The following RYR2 variants were observed in gnomAD, a reference collection of about 807,000 sequenced individuals.
The protein encoded by RYR2 is cardiac muscle ryanodine receptor-calcium release channel.
In RYR2, 227 loss-of-function variants were observed where a neutral mutation model predicts 601.1. The observed-to-expected ratio is 0.38, with a 90% confidence interval of 0.34 to 0.42. The LOEUF is 0.42. Among genes scored for constraint, RYR2 ranks in the 10% least tolerant of loss-of-function variants. The pLI, the probability that RYR2 is intolerant of heterozygous loss-of-function variation, is 1.00. For missense variants in RYR2, 4,646 were observed against 6,156.5 expected, an observed-to-expected ratio of 0.75 and a Z score of 8.21; for synonymous variants, 2,223 against 2,175.1, an observed-to-expected ratio of 1.02 and a Z score of -0.61.
At chr1:237,155,179 CTTT>C (rs11412062) in intron 1 of RYR2, among the ~76,000 whole-genome samples, 1 of 127,626 alleles carries the variant, frequency 7.8e-6, no homozygotes, top group Non-Finnish European at 1.6e-5. Flanking sequence ...TTTTTCTTTT[CTTT>C]TTTTTTTTTT....
intron 1 of RYR2, among the ~76,000 whole-genome samples, chr1:237,082,727 G>A (rs761623199): frequency 2.6e-5 from 4 of 151,678 alleles, no homozygotes; most frequent in Non-Finnish European, 5.9e-5. Flanking sequence ...TATGTAACAA[G>A]TGTTAAATTG....
At chr1:237,412,635 T>C (rs1262265580) in intron 10 of RYR2, among the ~76,000 whole-genome samples, 4 of 152,146 alleles carry the variant, frequency 2.6e-5, no homozygotes, top group Admixed American at 2.6e-4. Flanking sequence ...ATTGCAAAAA[T>C]AGTCTCCAGT....
At chr1:237,259,899 C>G (rs528746150) in intron 1 of RYR2, among the ~76,000 whole-genome samples, 12 of 152,192 alleles carry the variant, frequency 7.9e-5, no homozygotes, top group Non-Finnish European at 1.6e-4. Flanking sequence ...TCTGTAATAT[C>G]ACCACATTAG....
chr1:237,447,226 T>G (rs1657468334), intron 14 of RYR2, among the ~76,000 whole-genome samples: 1 of 152,214 alleles, frequency 6.6e-6, no homozygotes. Flanking sequence ...AAAACTATTT[T>G]GTGGGAAAGC....
At chr1:237,223,763 G>T (rs1684076141) in intron 1 of RYR2, among the ~76,000 whole-genome samples, 1 of 152,284 alleles carries the variant, frequency 6.6e-6, no homozygotes, top group African/African-American at 2.4e-5. Flanking sequence ...TTACATATCA[G>T]AAATTTGAAG....
intron 2 of RYR2, among the ~76,000 whole-genome samples, chr1:237,307,820 G>A (rs144554080): frequency 6.6e-6 from 1 of 152,272 alleles, no homozygotes; most frequent in African/African-American, 2.4e-5. Flanking sequence ...TGAGCCTTCG[G>A]TTTGCTGTAC....
chr1:237,372,936 C>T (rs1700751667), intron 6 of RYR2, among the ~76,000 whole-genome samples: 1 of 152,136 alleles, frequency 6.6e-6, no homozygotes, highest in Non-Finnish European at 1.5e-5. Context: ...TTAATTAACA[C>T]TTAGTAGAAT....
chr1:237,319,551 A>C (rs1695424578), intron 2 of RYR2, among the ~76,000 whole-genome samples: 1 of 152,036 alleles, frequency 6.6e-6, no homozygotes, highest in Non-Finnish European at 1.5e-5. Flanking sequence ...GTCATTGCTT[A>C]ATGTTTTAAA....
chr1:237,327,648 G>A (rs1273769326), intron 2 of RYR2, among the ~76,000 whole-genome samples: 1 of 152,164 alleles, frequency 6.6e-6, no homozygotes. Flanking sequence ...TGCAAGAACC[G>A]ATTTTAAGAA....
At chr1:237,447,966 C>T (rs747243259) in intron 14 of RYR2, among the ~76,000 whole-genome samples, 26 of 151,248 alleles carry the variant, frequency 1.7e-4, no homozygotes, top group African/African-American at 4.1e-4. Context: ...CTCATTCTGT[C>T]GCCCAGACTA....
chr1:237,329,007 C>T (rs534373375), intron 2 of RYR2, among the ~76,000 whole-genome samples: 1 of 152,116 alleles, frequency 6.6e-6, no homozygotes, highest in Non-Finnish European at 1.5e-5. Context: ...CATACTGGAT[C>T]CTGCTTGTCT....
At chr1:237,334,873 C>T (rs557476537) in intron 3 of RYR2, among the ~76,000 whole-genome samples, 229 of 152,294 alleles carry the variant, frequency 1.5e-3, no homozygotes, top group Non-Finnish European at 2.5e-3. Context: ...TAGAGAACTG[C>T]TTGAGAATAC....
At chr1:237,195,669 A>G (rs915291186) in intron 1 of RYR2, among the ~76,000 whole-genome samples, 3 of 152,222 alleles carry the variant, frequency 2.0e-5, no homozygotes, top group Non-Finnish European at 2.9e-5. Flanking sequence ...GTTAACAAGT[A>G]TCATATTTGG....
rs529464371 is a variant in RYR2 at position 237,529,951 on chromosome 1, G to T, written c.2823-476G>T. Among the ~76,000 whole-genome samples, 25 of 152,156 alleles carry T rather than the reference G, an allele frequency of 1.6e-4. No homozygotes were observed. In the South Asian group the frequency reaches 3.5e-3, roughly 22 times the overall value. On this transcript the variant is annotated intron_variant, in intron 24 of 104. Transcript: ENST00000366574. ...ATTCCTTTTTGTGCCATTTCAGTTC[G>T]CAGTGTCTTATCCCTTACTCAGAAA... is the stretch of plus-strand genomic sequence containing the variant.
At chr1:237,604,786 A>G (rs2148527785) in intron 35 of RYR2, among the ~76,000 whole-genome samples, 1 of 152,312 alleles carries the variant, frequency 6.6e-6, no homozygotes, top group African/African-American at 2.4e-5. Flanking sequence ...AGAGAATACT[A>G]TAAACACCTC....
chr1:237,670,567 G>T (rs1019854030), intron 58 of RYR2, among the ~76,000 whole-genome samples: 4 of 152,030 alleles, frequency 2.6e-5, no homozygotes, highest in Non-Finnish European at 4.4e-5. Flanking sequence ...CACATAACTG[G>T]TAAACAAAAT....
chr1:237,080,813 A>C (rs1665524968), intron 1 of RYR2, among the ~76,000 whole-genome samples: 1 of 105,740 alleles, frequency 9.5e-6, no homozygotes, highest in African/African-American at 3.6e-5. Context: ...TCATGCTGCT[A>C]TAAAGACACA....
At chr1:237,320,158 G>T (rs1011959180) in intron 2 of RYR2, among the ~76,000 whole-genome samples, 4 of 152,154 alleles carry the variant, frequency 2.6e-5, no homozygotes, top group African/African-American at 9.7e-5. Flanking sequence ...CTCTGAAAGT[G>T]TTATTTTTGT....
chr1:237,348,601 A>C (rs929321238), intron 3 of RYR2, among the ~76,000 whole-genome samples: 1 of 152,182 alleles, frequency 6.6e-6, no homozygotes, highest in Non-Finnish European at 1.5e-5. Context: ...TCTGCCCATC[A>C]TCTAGCTGCC....
Sources: allele counts gnomAD v4.1 joint callset (sites outside exome capture counted in the v4.1 genomes callset), GRCh38; gene constraint gnomAD v4.1.1; transcripts MANE v1.5; gene names NCBI Gene and HGNC (gene_info 2026-07-23, HGNC 2026-07-21).